Variants in VTI1A observed in about 807,000 individuals in gnomAD.
VTI1A encodes the protein vesicle transport through interaction with t-SNAREs 1A.
A neutral mutation model predicts 34.9 loss-of-function variants in VTI1A; 22 were observed. The observed-to-expected ratio is 0.63, with a 90% CI of 0.45 to 0.90. VTI1A has a LOEUF of 0.90. Among genes scored for constraint, VTI1A ranks in the 40% least tolerant of loss-of-function variants. The pLI is 0.00. For missense variants in VTI1A, 268 were observed against 275.6 expected, an observed-to-expected ratio of 0.97 and a Z score of 0.20; for synonymous variants, 87 against 97.3, an observed-to-expected ratio of 0.89 and a Z score of 0.62.
At chr10:112,721,750 A>G (rs1330619466) in intron 7 of VTI1A, among the ~76,000 whole-genome samples, 2 of 152,198 alleles carry the variant, frequency 1.3e-5, no homozygotes, top group Non-Finnish European at 2.9e-5. Flanking sequence ...CAACAGAGCT[A>G]TGAACAAGTA....
chr10:112,759,004 C>T (rs1851371903), intron 7 of VTI1A, among the ~76,000 whole-genome samples: 1 of 152,108 alleles, frequency 6.6e-6, no homozygotes. Context: ...CCAATGACAC[C>T]CTGTGCTGTG....
the VTI1A span, among the ~76,000 whole-genome samples, chr10:112,837,669 G>T: frequency 1.2e-3 from 181 of 152,302 alleles, no homozygotes; most frequent in African/African-American, 4.0e-3. Flanking sequence ...AGGTTGAATG[G>T]CTCCCCAGGA....
intron 7 of VTI1A, among the ~76,000 whole-genome samples, 191 bp from the exon 8 acceptor site, chr10:112,815,090 GTGGATCGTT>G (rs1853465966): frequency 6.6e-6 from 1 of 151,102 alleles, no homozygotes; most frequent in African/African-American, 2.4e-5. Context: ...TCGTTTCCTC[GTGGATCGTT>G]TGTAGAACCA....
chr10:112,758,380 T>C (rs972491579), intron 7 of VTI1A, among the ~76,000 whole-genome samples: 8 of 152,192 alleles, frequency 5.3e-5, no homozygotes, highest in African/African-American at 1.9e-4. Context: ...TCTAGTGCAT[T>C]GATCCACAAA....
intron 7 of VTI1A, among the ~76,000 whole-genome samples, chr10:112,726,858 G>A (rs1365409970): frequency 2.6e-5 from 4 of 152,100 alleles, no homozygotes; most frequent in African/African-American, 7.2e-5. Context: ...AGCTGATACC[G>A]GGGGGTCAGT....
chr10:112,699,245 C>T (rs1463587769), intron 7 of VTI1A, among the ~76,000 whole-genome samples: 1 of 152,226 alleles, frequency 6.6e-6, no homozygotes, highest in Non-Finnish European at 1.5e-5. Flanking sequence ...TTAGCTCAGG[C>T]TGCTATAACA....
chr10:112,740,244 G>A (rs893310922), intron 7 of VTI1A, among the ~76,000 whole-genome samples: 4 of 152,136 alleles, frequency 2.6e-5, no homozygotes, highest in African/African-American at 9.7e-5. Context: ...CACAAATACT[G>A]GCCATGGGAA....
rs147245718 is a variant in VTI1A at position 112,598,064 on chromosome 10, A to G, written c.427+59734A>G. Reference sequence around the variant, plus strand: ...CTATGAGGGATACCTGGTGTCATAGAAAGTACTGAGCATGAGGCCTGGTGC... The same window carrying G: ...CTATGAGGGATACCTGGTGTCATAGGAAGTACTGAGCATGAGGCCTGGTGC... On this transcript the variant is annotated intron_variant, in intron 5 of 7. Coordinates refer to ENST00000393077, the MANE Select transcript of VTI1A (RefSeq NM_145206.4). 1.4e-3 allele frequency among the ~76,000 whole-genome samples: 210 copies of G among 152,294 alleles called. 2 individuals are homozygous for G. In the East Asian group the frequency reaches 0.033, roughly 24 times the overall value.
chr10:112,541,516 A>C (rs1380596161), intron 5 of VTI1A, among the ~76,000 whole-genome samples: 1 of 152,208 alleles, frequency 6.6e-6, no homozygotes, highest in African/African-American at 2.4e-5. Flanking sequence ...CAAAGATTTC[A>C]ACAAAAATCT....
intron 7 of VTI1A, among the ~76,000 whole-genome samples, chr10:112,700,654 T>C (rs1027833912): frequency 3.9e-5 from 6 of 152,170 alleles, no homozygotes; most frequent in Non-Finnish European, 8.8e-5. Context: ...ACAACAATAA[T>C]AAATGAGTTC....
chr10:112,650,498 A>G (rs1174679255), intron 5 of VTI1A, among the ~76,000 whole-genome samples: 2 of 152,226 alleles, frequency 1.3e-5, no homozygotes, highest in East Asian at 1.9e-4. Flanking sequence ...ACACTCAAAA[A>G]TAATGATAAA....
chr10:112,838,162 G>A, the VTI1A span, among the ~76,000 whole-genome samples: 26 of 152,326 alleles, frequency 1.7e-4, no homozygotes, highest in African/African-American at 5.3e-4. Context: ...CCCCAAGAGG[G>A]CTGGGGCCAA....
chr10:112,537,462 G>C (rs1311724956), intron 4 of VTI1A, among the ~76,000 whole-genome samples: 13 of 151,188 alleles, frequency 8.6e-5, no homozygotes, highest in Admixed American at 8.6e-4. Context: ...CTCAATGGAG[G>C]AAAGAAAGTT....
Position 112,567,045 on chromosome 10 carries a change from A to G in VTI1A, c.427+28715A>G, listed in dbSNP as rs149107664. Among the ~76,000 whole-genome samples the G allele has an allele frequency of 4.1e-3, 623 of 152,086 alleles. 2 individuals are homozygous for G. Among genetic ancestry groups the G allele is most frequent in the African/African-American group, 0.014 (578 of 41,410 alleles). On this transcript the variant is annotated intron_variant, in intron 5 of 7. Transcript: ENST00000393077. Reference sequence around the variant, plus strand: ...CACTTCAGATGCTATAATGTAATTTATTTAGACAGAGTATCATTTTGTTGC... The same window carrying G: ...CACTTCAGATGCTATAATGTAATTTGTTTAGACAGAGTATCATTTTGTTGC...
At chr10:112,832,136 C>G in the VTI1A span, 1 of 152,172 alleles carries the variant, frequency 6.6e-6, no homozygotes, top group Admixed American at 6.5e-5. Context: ...TCTAGACAAT[C>G]AAATGCCCGC....
intron 5 of VTI1A, among the ~76,000 whole-genome samples, chr10:112,553,119 G>A (rs1319730913): frequency 6.6e-6 from 1 of 152,208 alleles, no homozygotes; most frequent in African/African-American, 2.4e-5. Context: ...TGCAATTTCT[G>A]TTCTCCTTTG....
At chr10:112,724,607 A>G (rs1241079398) in intron 7 of VTI1A, among the ~76,000 whole-genome samples, 1 of 152,108 alleles carries the variant, frequency 6.6e-6, no homozygotes, top group Non-Finnish European at 1.5e-5. Flanking sequence ...CTGCACTAAG[A>G]GAGCAGTGAG....
the VTI1A span, chr10:112,826,861 C>T: frequency 2.0e-5 from 3 of 152,112 alleles, no homozygotes; most frequent in Non-Finnish European, 2.9e-5. Context: ...CATCCCGTCA[C>T]GTTCTGTAAA....
At chr10:112,512,770 G>A (rs1380733632) in intron 3 of VTI1A, among the ~76,000 whole-genome samples, 1 of 152,054 alleles carries the variant, frequency 6.6e-6, no homozygotes, top group East Asian at 1.9e-4. Context: ...ATGGATAGCT[G>A]ATGTTCCCAG....
Sources: allele counts gnomAD v4.1 joint callset (sites outside exome capture counted in the v4.1 genomes callset), GRCh38; gene constraint gnomAD v4.1.1; transcripts MANE v1.5; gene names NCBI Gene and HGNC (gene_info 2026-07-23, HGNC 2026-07-21).